Variants in TEX9 observed in about 807,000 individuals in gnomAD.
The protein encoded by TEX9 is testis-expressed protein 9.
TEX9 carries 74 observed loss-of-function variants against 59.6 expected under a neutral mutation model. The observed-to-expected ratio is 1.24, with a 90% CI of 1.03 to 1.51. The LOEUF is 1.51. Among genes scored for constraint, TEX9 ranks in the 40% most tolerant of loss-of-function variants. The probability of loss-of-function intolerance (pLI) is 0.00; values close to 1 mark genes in which losing one functional copy is unlikely to be tolerated. For synonymous variants in TEX9, 186 were observed against 152.2 expected, an observed-to-expected ratio of 1.22 and a Z score of -1.64; for missense variants, 522 against 447.8, an observed-to-expected ratio of 1.17 and a Z score of -1.49.
chr15:56,281,919 C>A (rs1418634644), intron 1 of TEX9, among the ~76,000 whole-genome samples: 2 of 152,194 alleles, frequency 1.3e-5, no homozygotes. Context: ...TCACAAGATA[C>A]TGTTTTCATG....
At chr15:56,268,444 T>C (rs1242781666) in intron 1 of TEX9, among the ~76,000 whole-genome samples, 3 of 152,226 alleles carry the variant, frequency 2.0e-5, no homozygotes, top group Non-Finnish European at 4.4e-5. Flanking sequence ...CCATTCAGTA[T>C]GATATTGGCT....
At chr15:56,281,698 A>AT (rs2044824089) in intron 1 of TEX9, among the ~76,000 whole-genome samples, 2 of 152,188 alleles carry the variant, frequency 1.3e-5, no homozygotes, top group South Asian at 4.1e-4. Flanking sequence ...CCATGAAGTA[A>AT]TTTTGTAATA....
At chr15:56,306,313 C>T (rs77679950) in intron 1 of TEX9, among the ~76,000 whole-genome samples, 5 of 147,468 alleles carry the variant, frequency 3.4e-5, no homozygotes, top group Admixed American at 6.9e-5. Context: ...TCTGCACTTC[C>T]ATGTGCATTG....
chr15:56,297,568 G>C (rs1346844507), intron 1 of TEX9, among the ~76,000 whole-genome samples: 1 of 152,102 alleles, frequency 6.6e-6, no homozygotes, highest in Non-Finnish European at 1.5e-5. Context: ...GCAGTGGTGC[G>C]ATCTTGGCTC....
chr15:56,353,914 G>C (rs2046633233), intron 1 of TEX9, among the ~76,000 whole-genome samples: 1 of 152,126 alleles, frequency 6.6e-6, no homozygotes, highest in African/African-American at 2.4e-5. Context: ...TTTCTTGCCA[G>C]CTTTAGAGGC....
chr15:56,246,193 A>C (rs1012360155), intron 1 of TEX9, among the ~76,000 whole-genome samples: 1 of 152,184 alleles, frequency 6.6e-6, no homozygotes, highest in Non-Finnish European at 1.5e-5. Flanking sequence ...CAGCCACTAG[A>C]GGGCTCACGA....
At chr15:56,437,807 T>A (rs1292369662) in intron 12 of TEX9, among the ~76,000 whole-genome samples, 4 of 152,156 alleles carry the variant, frequency 2.6e-5, no homozygotes. Flanking sequence ...TCACAAGCAT[T>A]CTTATACACC....
chr15:56,309,693 G>GTTTTTTTTTTTTTTTTTTTTTTTTTTTTT (rs60648387), intron 1 of TEX9, among the ~76,000 whole-genome samples: 1 of 60,786 alleles, frequency 1.6e-5, no homozygotes, highest in African/African-American at 7.3e-5. Context: ...TTTATGGGAA[G>GTTTTTTTTTTTTTTTTTTTTTTTTTTTTT]TTTTTTTTTT....
At chr15:56,339,411 A>AAAAAAAAAAAAC (rs2046330499) in intron 1 of TEX9, among the ~76,000 whole-genome samples, 2 of 150,246 alleles carry the variant, frequency 1.3e-5, no homozygotes, top group Admixed American at 6.6e-5. Context: ...AAAAAAAAAA[A>AAAAAAAAAAAAC]AAACAGGAGA....
intron 10 of TEX9, among the ~76,000 whole-genome samples, chr15:56,414,181 A>G (rs2049547916): frequency 6.6e-6 from 1 of 151,980 alleles, no homozygotes; most frequent in East Asian, 1.9e-4. Flanking sequence ...TATTAAGAAA[A>G]CAGAAGGAAA....
At chr15:56,400,801 A>G (rs1433178330) in intron 9 of TEX9, among the ~76,000 whole-genome samples, 1 of 152,234 alleles carries the variant, frequency 6.6e-6, no homozygotes, top group Non-Finnish European at 1.5e-5. Flanking sequence ...CAGAAACCCT[A>G]CAAACCAGAA....
chr15:56,301,388 C>A (rs1321627425), intron 1 of TEX9, among the ~76,000 whole-genome samples: 1 of 151,916 alleles, frequency 6.6e-6, no homozygotes, highest in African/African-American at 2.4e-5. Context: ...TGAAGAATAA[C>A]AGAAAATTTT....
At chr15:56,362,769 C>G (rs541724098), upstream of TEX9, among the ~76,000 whole-genome samples, 2 of 152,120 alleles carry the variant, frequency 1.3e-5, no homozygotes, top group Non-Finnish European at 2.9e-5. Context: ...TTGCCTATTG[C>G]GGACATTTCC....
intron 1 of TEX9, among the ~76,000 whole-genome samples, chr15:56,349,925 G>A (rs2046544939): frequency 6.6e-6 from 1 of 151,966 alleles, no homozygotes; most frequent in South Asian, 2.1e-4. Flanking sequence ...TTAACCTAAA[G>A]AACATCTGTT....
At chr15:56,352,818 ACT>A (rs2046610360) in intron 1 of TEX9, among the ~76,000 whole-genome samples, 1 of 152,134 alleles carries the variant, frequency 6.6e-6, no homozygotes, top group Non-Finnish European at 1.5e-5. Context: ...CTCCCACCAA[ACT>A]CTGAAATAAG....
chr15:56,333,762 A>G (rs2046205896), intron 1 of TEX9, among the ~76,000 whole-genome samples: 1 of 152,214 alleles, frequency 6.6e-6, no homozygotes, highest in Non-Finnish European at 1.5e-5. Context: ...ATATGATCTT[A>G]TATTTGGAAA....
intron 4 of TEX9, among the ~76,000 whole-genome samples, chr15:56,387,737 T>C (rs1333811320): frequency 6.6e-6 from 1 of 151,916 alleles, no homozygotes; most frequent in African/African-American, 2.4e-5. Flanking sequence ...CAAATATTTT[T>C]AGATTTGTGG....
chr15:56,423,645 G>C (rs1443171280), intron 10 of TEX9, among the ~76,000 whole-genome samples: 1 of 152,030 alleles, frequency 6.6e-6, no homozygotes, highest in Admixed American at 6.6e-5. Context: ...ACCCCAAAAA[G>C]AACGTCTGTA....
chr15:56,330,546 A>AT (rs1463636053), intron 1 of TEX9, among the ~76,000 whole-genome samples: 1 of 152,132 alleles, frequency 6.6e-6, no homozygotes, highest in Admixed American at 6.5e-5. Context: ...AAAATTAGAA[A>AT]TTTTATTAGT....
Sources: gnomAD v4.1 joint callset for allele counts (sites outside exome capture counted in the v4.1 genomes callset) on GRCh38, gnomAD v4.1.1 for gene constraint, MANE v1.5 for transcripts, NCBI Gene and HGNC (gene_info 2026-07-23, HGNC 2026-07-21) for gene names.